The following DBH variants were observed in gnomAD, a reference collection of about 807,000 sequenced individuals.
DBH encodes the protein dopamine beta-hydroxylase, also known as dopamine beta-hydroxylase (dopamine beta-monooxygenase).
In DBH, 49 loss-of-function variants were observed where a neutral mutation model predicts 64.0. The observed-to-expected ratio is 0.77, with a 90% CI of 0.61 to 0.97. The LOEUF (loss-of-function observed/expected upper bound fraction) is 0.97. DBH is among the 50% of genes least tolerant of loss of function. The pLI is 0.00. For missense variants in DBH, 828 were observed against 826.6 expected, an observed-to-expected ratio of 1.00 and a Z score of -0.02; for synonymous variants, 343 against 347.1, an observed-to-expected ratio of 0.99 and a Z score of 0.13.
Position 133,658,565 on chromosome 9 carries a change from C to A in DBH, c.*118C>A. 1 of 1,180,000 alleles carries A rather than the reference C, an allele frequency of 8.5e-7. No homozygotes were observed. Among genetic ancestry groups the A allele is most frequent in the Non-Finnish European group, 1.1e-6 (1 of 870,180 alleles). 73.1% of individuals were successfully genotyped at this position (1,180,000 alleles called of 1,614,324 possible). A position where few individuals can be genotyped will look rare whatever the true frequency, so the allele number is the denominator to read the frequency against. The stretch of plus-strand genomic sequence containing the variant: ...CCCTGCACGCCCAGGATGAAGGGGC[C>A]AGACCACGCCCCTGCCTGAGACCAC... On this transcript the variant is annotated 3_prime_UTR_variant, in exon 12 of 12. Coordinates refer to ENST00000393056, the MANE Select transcript of DBH (RefSeq NM_000787.4).
chr9:133,658,365 A>AG lies in DBH; in HGVS notation c.1773dup (p.Pro592AlafsTer73). ...CCCAAGGTCATCTCCACACTGGAAG[A>AG]GCCCACCCCACAGTGCCCCACCAGC... On this transcript the variant is annotated frameshift_variant, in exon 12 of 12. Coordinates refer to ENST00000393056, the MANE Select transcript of DBH (RefSeq NM_000787.4). LOFTEE classifies it low-confidence loss of function (END_TRUNC). 1 of 1,613,750 alleles carries AG rather than the reference A, an allele frequency of 6.2e-7. No homozygotes were observed. Among genetic ancestry groups the AG allele is most frequent in the South Asian group, 1.1e-5 (1 of 91,052 alleles).
Position 133,658,430 on chromosome 9 carries a change from G to T in DBH, c.1837G>T (p.Gly613Cys), listed in dbSNP as rs1832364538. 6.2e-7 allele frequency: 1 copy of T among 1,612,178 alleles called. No individual in the cohort carries two copies. Among genetic ancestry groups the T allele is most frequent in the Non-Finnish European group, 8.5e-7 (1 of 1,178,842 alleles). The change falls in exon 12 of 12, where the codon GGT (glycine) becomes TGT (cysteine). Residue 613 changes from glycine (G) to cysteine (C), a missense_variant. Coordinates refer to ENST00000393056, the MANE Select transcript of DBH (RefSeq NM_000787.4). ...TGCTGGCCCCACCGTTGTCAGCATTGGTGGGGGCAAAGGCTGAGGGGGGAC... is the reference window on the plus strand; with the variant it reads ...TGCTGGCCCCACCGTTGTCAGCATTTGTGGGGGCAAAGGCTGAGGGGGGAC... ...SPAGPTVVSI[G>C]GGKG
Position 133,656,451 on chromosome 9 carries a change from G to A in DBH, c.1435-72G>A, listed in dbSNP as rs952969820. 4 of 1,606,424 alleles carry A rather than the reference G, an allele frequency of 2.5e-6. No homozygotes were observed. In the Admixed American group the frequency reaches 6.7e-5, roughly 27 times the overall value. ...GAGTGGACGCAGTGTACACGTGGGT[G>A]CGGCGAAAGCTGCTGGATGGCAGCG... is the stretch of plus-strand genomic sequence containing the variant. On this transcript the variant is annotated intron_variant, in intron 9 of 11. Transcript: ENST00000393056.
At chr9:133,656,191 A>G (rs530633699) in intron 9 of DBH, 17 of 354,794 alleles carry the variant, frequency 4.8e-5, no homozygotes, top group African/African-American at 3.0e-4. Context: ...TGTGGCCACC[A>G]CGGGGCATCC....
chr9:133,646,393 C>T (rs1045557019), intron 5 of DBH, among the ~76,000 whole-genome samples: 2 of 152,110 alleles, frequency 1.3e-5, no homozygotes, highest in East Asian at 1.9e-4. Context: ...TTAGATCCTC[C>T]GCCAACCATG....
At chr9:133,649,456 T>A (rs1351865580) in intron 6 of DBH, among the ~76,000 whole-genome samples, 2 of 152,358 alleles carry the variant, frequency 1.3e-5, no homozygotes, top group East Asian at 1.9e-4. Context: ...TTGAAAGCTG[T>A]GGCCGTGACA....
chr9:133,652,270 G>A lies in DBH; in HGVS notation c.1360G>A (p.Val454Met), dbSNP rs374691514. 6.3e-5 allele frequency: 101 copies of A among 1,613,724 alleles called. No homozygotes were observed. Among genetic ancestry groups the A allele is most frequent in the African/African-American group, 4.0e-4 (30 of 75,042 alleles). ...GGAGATCCGCATGTTGAAGAAGGTC[G>A]TGTCGGTCCATCCGGTGAGTGCCCA... ...FQEIRMLKKV[V>M]SVHPGDVLIT... The change falls in exon 8 of 12, where the codon GTG becomes ATG. Residue 454 changes from valine to methionine, a missense_variant. Physicochemically the swap from Val to Met is conservative, Grantham distance 21. Transcript: ENST00000393056.
chr9:133,647,953 C>T lies in DBH; in HGVS notation c.1132C>T (p.Pro378Ser). 2 of 1,614,090 alleles carry T rather than the reference C, an allele frequency of 1.2e-6. No individual in the cohort carries two copies. Among genetic ancestry groups the T allele is most frequent in the Non-Finnish European group, 1.7e-6 (2 of 1,180,020 alleles). Residue 378 changes from proline to serine, a missense_variant, in exon 6 of 12, where the codon CCA becomes TCA. Physicochemically the swap from Pro to Ser is moderately conservative, Grantham distance 74. Transcript: ENST00000393056. ...GLVYTPVMAI[P>S]PRETAFILTG... Reference sequence around the variant, plus strand: ...GGTGTACACGCCAGTGATGGCCATTCCACCACGGGAGACCGCCTTCATCCT... The same window carrying T: ...GGTGTACACGCCAGTGATGGCCATTTCACCACGGGAGACCGCCTTCATCCT...
chr9:133,650,584 G>A (rs1832237757), intron 6 of DBH, among the ~76,000 whole-genome samples: 1 of 112,120 alleles, frequency 8.9e-6, no homozygotes, highest in African/African-American at 3.5e-5. Flanking sequence ...TTTCGCTCCT[G>A]TTGCCCAGGC....
Position 133,642,437 on chromosome 9 carries a change from G to A in DBH, c.717G>A (p.Lys239=), listed in dbSNP as rs5321. Residue 239 remains lysine, a synonymous_variant, in exon 3 of 12, where the codon AAG becomes AAA. Coordinates refer to ENST00000393056, the MANE Select transcript of DBH (RefSeq NM_000787.4). ...GGTGCTACATTAAGGAGCTTCCAAA[G>A]GGCTTCTCTCGGCACCACATTATCA... ...TYWCYIKELP[K]GFSRHHIIKY... 1 of 1,612,646 alleles carries A rather than the reference G, an allele frequency of 6.2e-7. No homozygotes were observed. Among genetic ancestry groups the A allele is most frequent in the Admixed American group, 1.7e-5 (1 of 59,778 alleles).
intron 5 of DBH, among the ~76,000 whole-genome samples, chr9:133,645,383 T>C (rs754356393): frequency 1.3e-5 from 2 of 152,132 alleles, no homozygotes; most frequent in Non-Finnish European, 2.9e-5. Flanking sequence ...TGAAAGCAAA[T>C]GGATTTTTGA....
At chr9:133,657,033 G>A (rs774130050) in intron 10 of DBH, 37 bp from the exon 11 acceptor site, 3 of 1,612,640 alleles carry the variant, frequency 1.9e-6, no homozygotes, top group African/African-American at 2.7e-5. Context: ...CTGCCCGTCA[G>A]CTGCTCCCCA....
Position 133,647,915 on chromosome 9 carries a change from T to A in DBH, c.1094T>A (p.Met365Lys), listed in dbSNP as rs200103371. The change falls in exon 6 of 12, where the codon ATG becomes AAG. Residue 365 changes from methionine to lysine, a missense_variant. Physicochemically the swap from Met to Lys is moderately conservative, Grantham distance 95. Coordinates refer to ENST00000393056, the MANE Select transcript of DBH (RefSeq NM_000787.4). ...CTGCGGCGCTTCAACGCGGGGATCATGGAGCTGGGACTGGTGTACACGCCA... is the reference window on the plus strand; with the variant it reads ...CTGCGGCGCTTCAACGCGGGGATCAAGGAGCTGGGACTGGTGTACACGCCA... Reference protein sequence around the residue: ...AKLRRFNAGIMELGLVYTPVM... With the variant: ...AKLRRFNAGIKELGLVYTPVM... 2 of 1,614,208 alleles carry A rather than the reference T, an allele frequency of 1.2e-6. No individual in the cohort carries two copies. Among genetic ancestry groups the A allele is most frequent in the Non-Finnish European group, 1.7e-6 (2 of 1,180,046 alleles).
Position 133,636,541 on chromosome 9 carries a change from G to C in DBH, c.170G>C (p.Gly57Ala), listed in dbSNP as rs533854976. Residue 57 changes from glycine (G) to alanine (A), a missense_variant, in exon 1 of 12, where the codon GGG becomes GCG. Coordinates refer to ENST00000393056, the MANE Select transcript of DBH (RefSeq NM_000787.4). ...LPYHIPLDPE[G>A]SLELSWNVSY... Reference sequence around the variant, plus strand: ...TATCACATCCCCCTGGACCCGGAGGGGTCCCTGGAGCTCTCATGGAATGTC... The same window carrying C: ...TATCACATCCCCCTGGACCCGGAGGCGTCCCTGGAGCTCTCATGGAATGTC... The C allele has an allele frequency of 3.1e-6, 5 of 1,613,502 alleles. No homozygotes were observed. In the East Asian group the frequency reaches 1.1e-4, roughly 36 times the overall value.
At position 133,642,216 on chromosome 9, in the gene DBH, G is replaced by C; in HGVS notation, c.496G>C (p.Val166Leu). ...CCTGTCTCGGCTGCAGGACGGCACT[G>C]TCCACTTGGTCTACGGGATCCTGGA... ...PKDYLIEDGTVHLVYGILEEP... is the reference protein window; with the variant it reads ...PKDYLIEDGTLHLVYGILEEP... Residue 166 changes from valine (V) to leucine (L), a missense_variant, in exon 3 of 12, where the codon GTC becomes CTC. Val to Leu is a conservative substitution (Grantham distance 32). Transcript: ENST00000393056. The C allele has an allele frequency of 6.2e-7, 1 of 1,613,382 alleles. No homozygotes were observed.
Position 133,643,283 on chromosome 9 carries a change from G to A in DBH, c.745-130G>A, listed in dbSNP as rs1054901637. ...ACCCTCAAGGCTGTGAACCCCAGAA[G>A]TGCCCCTGAAATTGTCTGGATCATC... is the stretch of plus-strand genomic sequence containing the variant. On this transcript the variant is annotated intron_variant, in intron 3 of 11. Coordinates refer to ENST00000393056, the MANE Select transcript of DBH (RefSeq NM_000787.4). This position sits in a 1 kb window ranked among gnomAD's most constrained non-coding sequence, Gnocchi z 5.3. 1.1e-6 allele frequency: 1 copy of A among 948,494 alleles called. No individual in the cohort carries two copies. The highest frequency in any genetic ancestry group is 1.7e-6 in the Non-Finnish European group (1 of 605,816). 58.8% of individuals were successfully genotyped at this position (948,494 alleles called of 1,614,324 possible). A position where few individuals can be genotyped will look rare whatever the true frequency, so the allele number is the denominator to read the frequency against.
In DBH at chr9:133,652,957, C is replaced by A. The variant is rs1426148219; in HGVS notation, c.1392C>A (p.Thr464=). 6.2e-7 allele frequency: 1 copy of A among 1,613,520 alleles called. No homozygotes were observed. Among genetic ancestry groups the A allele is most frequent in the East Asian group, 2.2e-5 (1 of 44,874 alleles). The change falls in exon 9 of 12, where the codon ACC becomes ACA. Residue 464 remains threonine, a synonymous_variant. Transcript: ENST00000393056. ...VSVHPGDVLI[T]SCTYNTEDRE... ...TTCCTCAGGGAGATGTGCTCATCACCTCCTGCACGTACAACACAGAAGACC... is the reference window on the plus strand; with the variant it reads ...TTCCTCAGGGAGATGTGCTCATCACATCCTGCACGTACAACACAGAAGACC...
Position 133,657,130 on chromosome 9 carries a change from T to C in DBH, c.1623T>C (p.Ser541=). ...PQASVSQQFT[S]VPWNSFNRDV... ...CGTCCGTGTCTCAGCAGTTCACCTC[T>C]GTTCCCTGGAACTCCTTCAACCGCG... Residue 541 remains serine (S), a synonymous_variant, in exon 11 of 12, where the codon TCT becomes TCC. Coordinates refer to ENST00000393056, the MANE Select transcript of DBH (RefSeq NM_000787.4). The C allele has an allele frequency of 1.2e-6, 2 of 1,614,132 alleles. No individual in the cohort carries two copies. The highest frequency in any genetic ancestry group is 1.7e-6 in the Non-Finnish European group (2 of 1,180,016).
chr9:133,650,740 GT>G (rs1832239422), intron 6 of DBH, among the ~76,000 whole-genome samples: 2 of 151,552 alleles, frequency 1.3e-5, no homozygotes, highest in Non-Finnish European at 2.9e-5. Context: ...TAGAGGCGGG[GT>G]TTTACCATGT....
Sources: allele counts gnomAD v4.1 joint callset (sites outside exome capture counted in the v4.1 genomes callset), GRCh38; gene constraint gnomAD v4.1.1; non-coding constraint Gnocchi (gnomAD v3.1); transcripts MANE v1.5; gene names NCBI Gene and HGNC (gene_info 2026-07-23, HGNC 2026-07-21).